ARHGAP35: variants seen among roughly 807,000 people sequenced by gnomAD.
ARHGAP35 encodes the protein Rho GTPase activating protein 35, also known as rho GTPase-activating protein 35.
A neutral mutation model predicts 111.1 loss-of-function variants in ARHGAP35; 15 were observed. The ratio of observed to expected loss-of-function variants is 0.13; its 90% CI spans 0.09 to 0.21. The LOEUF is 0.21. Among genes scored for constraint, ARHGAP35 ranks in the 10% least tolerant of loss-of-function variants. The pLI is 1.00. For missense variants in ARHGAP35, 1,262 were observed against 1,873.0 expected, an observed-to-expected ratio of 0.67 and a Z score of 6.02; for synonymous variants, 643 against 710.3, an observed-to-expected ratio of 0.91 and a Z score of 1.51.
intron 3 of ARHGAP35, among the ~76,000 whole-genome samples, chr19:46,965,083 C>A (rs1045438357): frequency 6.6e-6 from 1 of 152,140 alleles, no homozygotes; most frequent in Non-Finnish European, 1.5e-5. Context: ...GAGGCCGAGG[C>A]GGGCGGATCA....
At chr19:46,944,932 G>A (rs1309133649) in intron 3 of ARHGAP35, among the ~76,000 whole-genome samples, 1 of 152,164 alleles carries the variant, frequency 6.6e-6, no homozygotes, top group Non-Finnish European at 1.5e-5. Flanking sequence ...ATTTACCCTT[G>A]TTCATACTTC....
intron 1 of ARHGAP35, among the ~76,000 whole-genome samples, chr19:46,873,893 C>T (rs1399611364): frequency 1.3e-5 from 2 of 152,042 alleles, no homozygotes; most frequent in Non-Finnish European, 2.9e-5. Context: ...GGATTACAGG[C>T]ATGCGCCACC....
chr19:46,902,376 A>G (rs1487290901), intron 1 of ARHGAP35, among the ~76,000 whole-genome samples: 1 of 152,226 alleles, frequency 6.6e-6, no homozygotes, highest in African/African-American at 2.4e-5. Flanking sequence ...GCAATCATAT[A>G]TAAAACTTTG....
At chr19:46,913,964 A>G (rs773235796) in intron 1 of ARHGAP35, among the ~76,000 whole-genome samples, 1 of 152,202 alleles carries the variant, frequency 6.6e-6, no homozygotes, top group East Asian at 1.9e-4. Flanking sequence ...TGTGGCCTTC[A>G]GATCATTAAA....
chr19:46,872,044 C>T (rs953314463), intron 1 of ARHGAP35, among the ~76,000 whole-genome samples: 1 of 151,504 alleles, frequency 6.6e-6, no homozygotes, highest in Non-Finnish European at 1.5e-5. Context: ...AGATTGTATA[C>T]AAAAGAGATG....
At chr19:46,904,991 A>G (rs955055130) in intron 1 of ARHGAP35, among the ~76,000 whole-genome samples, 4 of 152,162 alleles carry the variant, frequency 2.6e-5, no homozygotes, top group African/African-American at 4.8e-5. Flanking sequence ...TGGGTTCTGG[A>G]CTGGGGTTCC....
rs540357972 is a variant in ARHGAP35, at chr19:46,946,741, TTGTG to T, written c.3826+9351_3826+9354del. 8.7e-5 allele frequency: 13 copies of T among 149,346 alleles called. No homozygotes were observed. In the East Asian group the frequency reaches 1.8e-3, roughly 20 times the overall value. 9.3% of individuals were successfully genotyped at this position (149,346 alleles called of 1,614,324 possible). A position where few individuals can be genotyped will look rare whatever the true frequency, so the allele number is the denominator to read the frequency against. On this transcript the variant is annotated intron_variant, in intron 3 of 6. Coordinates refer to ENST00000672722, the MANE Select transcript of ARHGAP35 (RefSeq NM_004491.5). The stretch of plus-strand genomic sequence containing the variant: ...GTTTTGTTTTGTTTTTGTTTTTGTT[TTGTG>T]TGTGTGTGTGTGTGTGTTTGAGATG...
rs2056192885 is a variant in ARHGAP35, at chr19:46,920,616, T to C, written c.1941T>C (p.Pro647=). 6.2e-7 allele frequency: 1 copy of C among 1,614,052 alleles called. No homozygotes were observed. Among genetic ancestry groups the C allele is most frequent in the Non-Finnish European group, 8.5e-7 (1 of 1,179,912 alleles). ...CAATAGAGGGGAATGTCAGGCTTCCTGTGAACTCTTTCCAGACGCCAACAT... is the reference window on the plus strand; with the variant it reads ...CAATAGAGGGGAATGTCAGGCTTCCCGTGAACTCTTTCCAGACGCCAACAT... ...LRPIEGNVRL[P]VNSFQTPTFQ... The change falls in exon 2 of 7, where the codon CCT becomes CCC. Residue 647 remains proline (P), a synonymous_variant. Transcript: ENST00000672722. This position sits in a 1 kb window ranked among gnomAD's most constrained non-coding sequence, Gnocchi z 7.0.
intron 5 of ARHGAP35, among the ~76,000 whole-genome samples, chr19:46,991,412 TG>T (rs2056678286): frequency 6.6e-6 from 1 of 152,150 alleles, no homozygotes; most frequent in Non-Finnish European, 1.5e-5. Context: ...CACCTTTTTG[TG>T]TAGGGTTGTG....
chr19:46,862,889 T>A (rs1390270556), intron 1 of ARHGAP35, among the ~76,000 whole-genome samples: 1 of 152,100 alleles, frequency 6.6e-6, no homozygotes, highest in Non-Finnish European at 1.5e-5. Flanking sequence ...TCTTTTGGAG[T>A]TCTCACTCCA....
At chr19:46,904,037 T>C (rs890680140) in intron 1 of ARHGAP35, among the ~76,000 whole-genome samples, 5 of 152,168 alleles carry the variant, frequency 3.3e-5, no homozygotes, top group African/African-American at 1.2e-4. Context: ...TGGGACTGGC[T>C]GGATGTCATT....
At chr19:46,913,045 T>A (rs1289216486) in intron 1 of ARHGAP35, among the ~76,000 whole-genome samples, 1 of 151,968 alleles carries the variant, frequency 6.6e-6, no homozygotes, top group Admixed American at 6.6e-5. Context: ...TAGTTCTGTA[T>A]GAAATTATTT....
chr19:46,988,449 G>C lies in ARHGAP35; in HGVS notation c.3904+383G>C. 4.5e-6 allele frequency: 1 copy of C among 221,016 alleles called. No individual in the cohort carries two copies. Among genetic ancestry groups the C allele is most frequent in the Non-Finnish European group, 9.2e-6 (1 of 108,358 alleles). 13.7% of individuals were successfully genotyped at this position (221,016 alleles called of 1,614,324 possible). On this transcript the variant is annotated intron_variant, in intron 4 of 6. Coordinates refer to ENST00000672722, the MANE Select transcript of ARHGAP35 (RefSeq NM_004491.5). This position sits in a 1 kb window ranked among gnomAD's most constrained non-coding sequence, Gnocchi z 5.4. ...TGAGATGTGATCCTGTTTTGCCAGG[G>C]CCTCAGATCTACCCTCCTCACAAAG...
At position 46,907,478 on chromosome 19, in the gene ARHGAP35, T is replaced by G. The variant is rs200164751; in HGVS notation, c.-188-11010T>G. The stretch of plus-strand genomic sequence containing the variant: ...ATTCATTCTGTTTCTTAGCTTCTTT[T>G]TTTGTTTGTTTGTTTGTTTGTTTGT... On this transcript the variant is annotated intron_variant, in intron 1 of 6. Coordinates refer to ENST00000672722, the MANE Select transcript of ARHGAP35 (RefSeq NM_004491.5). Among the ~76,000 whole-genome samples the G allele has an allele frequency of 4.1e-5, 6 of 147,602 alleles. No individual in the cohort carries two copies. In the South Asian group the frequency reaches 1.1e-3, roughly 27 times the overall value.
intron 1 of ARHGAP35, among the ~76,000 whole-genome samples, chr19:46,879,861 G>A (rs1170107161): frequency 6.6e-6 from 1 of 150,702 alleles, no homozygotes; most frequent in Middle Eastern, 3.3e-3. Flanking sequence ...CAAGGTGGAC[G>A]GATCACTTGA....
At chr19:46,866,300 T>C (rs2055856537) in intron 1 of ARHGAP35, among the ~76,000 whole-genome samples, 2 of 152,228 alleles carry the variant, frequency 1.3e-5, no homozygotes, top group Non-Finnish European at 2.9e-5. Context: ...CTTTGACGCC[T>C]TGCGTTCATT....
At position 47,001,376 on chromosome 19, in the gene ARHGAP35, G is replaced by A; in HGVS notation, c.*688G>A. The A allele has an allele frequency of 2.3e-6, 3 of 1,289,928 alleles. No homozygotes were observed. In the South Asian group the frequency reaches 3.7e-5, roughly 16 times the overall value. 79.9% of individuals were successfully genotyped at this position (1,289,928 alleles called of 1,614,324 possible). ...TCCCTGGCAAACAAAGGAACACTAGGAGAAAAAATGGAAAAACCCTTCCAG... is the reference window on the plus strand; with the variant it reads ...TCCCTGGCAAACAAAGGAACACTAGAAGAAAAAATGGAAAAACCCTTCCAG... On this transcript the variant is annotated 3_prime_UTR_variant, in exon 7 of 7. Coordinates refer to ENST00000672722, the MANE Select transcript of ARHGAP35 (RefSeq NM_004491.5). This position sits in a 1 kb window ranked among gnomAD's most constrained non-coding sequence, Gnocchi z 5.4.
At position 46,999,607 on chromosome 19, in the gene ARHGAP35, C is replaced by T. The variant is rs1054394077; in HGVS notation, c.4142+198C>T. ...GCCTCTCGCCCATCCTCAGGCCTCC[C>T]TCCTGCTCCTGTCTGAGGGCAGCCC... On this transcript the variant is annotated intron_variant, in intron 6 of 6. Coordinates refer to ENST00000672722, the MANE Select transcript of ARHGAP35 (RefSeq NM_004491.5). The surrounding 1 kb of genome is among the most constrained non-coding windows in gnomAD (Gnocchi z 5.4). 15 of 581,126 alleles carry T rather than the reference C, an allele frequency of 2.6e-5. No individual in the cohort carries two copies. Among genetic ancestry groups the T allele is most frequent in the Non-Finnish European group, 4.6e-5 (15 of 326,746 alleles). The allele number at this position is 581,126 out of a possible 1,614,324, so 36.0% of individuals were successfully genotyped here.
Position 47,003,772 on chromosome 19 carries a change from A to G in ARHGAP35, c.*3084A>G, listed in dbSNP as rs1338090379. 2.6e-5 allele frequency: 4 copies of G among 152,130 alleles called. No individual in the cohort carries two copies. Among genetic ancestry groups the G allele is most frequent in the African/African-American group, 4.8e-5 (2 of 41,412 alleles). 9.4% of individuals were successfully genotyped at this position (152,130 alleles called of 1,614,324 possible). A position where few individuals can be genotyped will look rare whatever the true frequency, so the allele number is the denominator to read the frequency against. On this transcript the variant is annotated 3_prime_UTR_variant, in exon 7 of 7. Transcript: ENST00000672722. ...TTTGTCACGGTGGACAGAGGGTGAC[A>G]TCATAGGAGCAGCTCGCTGGCCAGA... is the stretch of plus-strand genomic sequence containing the variant.
Sources: gnomAD v4.1 joint callset for allele counts (sites outside exome capture counted in the v4.1 genomes callset) on GRCh38, gnomAD v4.1.1 for gene constraint, Gnocchi (gnomAD v3.1) non-coding constraint, MANE v1.5 for transcripts, NCBI Gene and HGNC (gene_info 2026-07-23, HGNC 2026-07-21) for gene names.